HSD17B11: variants seen among roughly 807,000 people sequenced by gnomAD.
HSD17B11 encodes the protein hydroxysteroid 17-beta dehydrogenase 11.
In HSD17B11, 22 loss-of-function variants were observed where a neutral mutation model predicts 27.8. That is an observed-to-expected ratio of 0.79 (90% CI 0.56 to 1.13). The LOEUF is 1.13. Among genes scored for constraint, HSD17B11 ranks in the 50% most tolerant of loss-of-function variants. The pLI, the probability that HSD17B11 is intolerant of heterozygous loss-of-function variation, is 0.00. For missense variants in HSD17B11, 314 were observed against 351.1 expected, an observed-to-expected ratio of 0.89 and a Z score of 0.84; for synonymous variants, 117 against 132.8, an observed-to-expected ratio of 0.88 and a Z score of 0.82.
At chr4:87,363,961 A>G (rs987511232) in intron 4 of HSD17B11, among the ~76,000 whole-genome samples, 2 of 152,224 alleles carry the variant, frequency 1.3e-5, no homozygotes. Flanking sequence ...GCATGGCTAA[A>G]GTCGGGTAAT....
chr4:87,379,531 A>C (rs925180609), intron 2 of HSD17B11, among the ~76,000 whole-genome samples: 2 of 146,722 alleles, frequency 1.4e-5, no homozygotes, highest in Non-Finnish European at 3.0e-5. Flanking sequence ...ACATATATAC[A>C]TATACAGCAT....
chr4:87,374,572 A>G (rs1340663480), intron 3 of HSD17B11, 127 bp downstream of exon 3: 9 of 791,778 alleles, frequency 1.1e-5, no homozygotes, highest in African/African-American at 5.3e-5. Context: ...CTCTTTGTAT[A>G]ATGTTATCCC....
intron 1 of HSD17B11, among the ~76,000 whole-genome samples, chr4:87,388,403 G>A (rs1396353381): frequency 1.3e-5 from 2 of 152,220 alleles, no homozygotes. Flanking sequence ...ACCTACCACT[G>A]TGTTGCACAG....
chr4:87,345,301 A>G (rs761655541), intron 5 of HSD17B11: 2 of 152,136 alleles, frequency 1.3e-5, no homozygotes, highest in African/African-American at 2.4e-5. Context: ...AAGACTCATG[A>G]GGTGCAGTGA....
intron 5 of HSD17B11, among the ~76,000 whole-genome samples, chr4:87,353,732 G>GC (rs386400735): frequency 1.0e-5 from 1 of 97,380 alleles, no homozygotes; most frequent in Non-Finnish European, 2.9e-5. Flanking sequence ...CGGCCTTGTA[G>GC]GGGGGGCAAG....
At position 87,347,103 on chromosome 4, in the gene HSD17B11, A is replaced by ATTTT. The variant is rs763068482; in HGVS notation, c.696-6501_696-6498dup. On this transcript the variant is annotated intron_variant, in intron 5 of 6. Coordinates refer to ENST00000358290, the MANE Select transcript of HSD17B11 (RefSeq NM_016245.5). ...TTTAGGGTTGTTTTTAGTATTCTGG[A>ATTTT]TTTTTTTTTTTTCTTTTTTTTTTTT... 2.1e-3 allele frequency among the ~76,000 whole-genome samples: 132 copies of ATTTT among 62,570 alleles called. 2 individuals are homozygous for ATTTT. Among genetic ancestry groups the ATTTT allele is most frequent in the East Asian group, 6.8e-3 (11 of 1,614 alleles). The allele number at this position is 62,570 out of a possible 152,430, so 41.0% of individuals were successfully genotyped here.
At chr4:87,361,279 C>T (rs759378355) in intron 4 of HSD17B11, among the ~76,000 whole-genome samples, 1 of 152,206 alleles carries the variant, frequency 6.6e-6, no homozygotes, top group Admixed American at 6.5e-5. Context: ...ACACTCCCAC[C>T]AGCGCCATAA....
intron 5 of HSD17B11, among the ~76,000 whole-genome samples, chr4:87,356,568 T>C (rs1735391598): frequency 6.6e-6 from 1 of 152,114 alleles, no homozygotes. Context: ...ATTTTGAGAG[T>C]GGTTTCCACT....
At chr4:87,357,984 C>CA (rs1423341072) in intron 4 of HSD17B11, among the ~76,000 whole-genome samples, 1 of 43,736 alleles carries the variant, frequency 2.3e-5, no homozygotes, top group African/African-American at 7.8e-5. Flanking sequence ...TTTTTTGAGA[C>CA]AGAGTCTTGC....
chr4:87,374,547 A>G, intron 3 of HSD17B11, 152 bp downstream of exon 3: 1 of 573,630 alleles, frequency 1.7e-6, no homozygotes, highest in East Asian at 3.3e-5. Context: ...ATTTGGTCAT[A>G]GCATGAAAAA....
rs541209200 is a variant in HSD17B11, at chr4:87,377,270, T to C, written c.319-2440A>G. Reference sequence around the variant, plus strand: ...TTCAAGACCAGCCTGACCAACATGGTGAAACCCAGTCTCTACTAAAAGTAC... The same window carrying C: ...TTCAAGACCAGCCTGACCAACATGGCGAAACCCAGTCTCTACTAAAAGTAC... On this transcript the variant is annotated intron_variant, in intron 2 of 6. Coordinates refer to ENST00000358290, the MANE Select transcript of HSD17B11 (RefSeq NM_016245.5). 2.6e-5 allele frequency among the ~76,000 whole-genome samples: 4 copies of C among 152,222 alleles called. No homozygotes were observed. The East Asian group carries it at 7.7e-4, about 29-fold the overall frequency.
chr4:87,382,192 G>C, intron 2 of HSD17B11, 63 bp downstream of exon 2: 1 of 1,181,974 alleles, frequency 8.5e-7, no homozygotes, highest in Admixed American at 1.7e-5. Flanking sequence ...TACAGACTGG[G>C]TCATCTCCAA....
At chr4:87,356,302 T>A (rs879502878) in intron 5 of HSD17B11, among the ~76,000 whole-genome samples, 6 of 152,186 alleles carry the variant, frequency 3.9e-5, no homozygotes, top group Non-Finnish European at 7.3e-5. Flanking sequence ...AAAGTGAAAA[T>A]ATGTGTGCCC....
chr4:87,341,641 G>T (rs915401774), intron 5 of HSD17B11, among the ~76,000 whole-genome samples: 3 of 151,938 alleles, frequency 2.0e-5, no homozygotes, highest in African/African-American at 4.8e-5. Flanking sequence ...CGGGTGGAGC[G>T]CTTGAGCCCA....
At chr4:87,370,792 G>A (rs1735700880) in intron 4 of HSD17B11, among the ~76,000 whole-genome samples, 1 of 90,722 alleles carries the variant, frequency 1.1e-5, no homozygotes, top group Non-Finnish European at 2.0e-5. Flanking sequence ...TCGCTCTGTC[G>A]CCCAGGCTGG....
rs903672634 is a variant in HSD17B11 at position 87,336,575 on chromosome 4, T to C, written c.*701A>G. ...TTCCTTTAATTTGAAGGTTGTCATGTTCTGTTTAAGACAAAAAGATGGAAA... is the reference window on the plus strand; with the variant it reads ...TTCCTTTAATTTGAAGGTTGTCATGCTCTGTTTAAGACAAAAAGATGGAAA... On this transcript the variant is annotated 3_prime_UTR_variant, in exon 7 of 7. Transcript: ENST00000358290. The C allele has an allele frequency of 6.6e-6, 1 of 152,274 alleles. No individual in the cohort carries two copies. The highest frequency in any genetic ancestry group is 1.9e-4 in the East Asian group (1 of 5,202). 9.4% of individuals were successfully genotyped at this position (152,274 alleles called of 1,614,324 possible).
At chr4:87,364,481 T>C (rs536941626) in intron 4 of HSD17B11, among the ~76,000 whole-genome samples, 1 of 152,184 alleles carries the variant, frequency 6.6e-6, no homozygotes, top group African/African-American at 2.4e-5. Flanking sequence ...GAAATGTACT[T>C]TAAGGGGTGG....
At chr4:87,354,072 T>C (rs1303565176) in intron 5 of HSD17B11, among the ~76,000 whole-genome samples, 1 of 152,200 alleles carries the variant, frequency 6.6e-6, no homozygotes, top group Non-Finnish European at 1.5e-5. Flanking sequence ...TACTTTTGTT[T>C]TCTAACAAAA....
intron 5 of HSD17B11, among the ~76,000 whole-genome samples, chr4:87,344,017 A>C (rs919437271): frequency 2.0e-4 from 31 of 152,338 alleles, no homozygotes; most frequent in African/African-American, 7.0e-4. Flanking sequence ...ACGACAACTA[A>C]TTTTAAACTA....
Sources: gnomAD v4.1 joint callset for allele counts (sites outside exome capture counted in the v4.1 genomes callset) on GRCh38, gnomAD v4.1.1 for gene constraint, MANE v1.5 for transcripts, NCBI Gene and HGNC (gene_info 2026-07-23, HGNC 2026-07-21) for gene names.